Variants in SCMH1 observed in about 807,000 individuals in gnomAD.
SCMH1 encodes the protein polycomb protein SCMH1.
In SCMH1, 37 loss-of-function variants were observed where a neutral mutation model predicts 70.8. That is an observed-to-expected ratio of 0.52 (90% CI 0.40 to 0.69). The LOEUF is 0.69. SCMH1 is among the 30% of genes least tolerant of loss of function. The pLI, the probability that SCMH1 is intolerant of heterozygous loss-of-function variation, is 0.00. For missense variants in SCMH1, 607 were observed against 827.3 expected (o/e 0.73, Z 3.27); for synonymous variants, 292 against 307.4 (o/e 0.95, Z 0.52).
chr1:41,035,512 A>G (rs928441031), intron 13 of SCMH1, among the ~76,000 whole-genome samples: 2 of 152,120 alleles, frequency 1.3e-5, no homozygotes, highest in Non-Finnish European at 2.9e-5. Context: ...AGTCCAGTCT[A>G]TCAGCGCTCC....
chr1:41,076,961 T>A (rs939079908), intron 8 of SCMH1, among the ~76,000 whole-genome samples: 1 of 152,190 alleles, frequency 6.6e-6, no homozygotes, highest in Non-Finnish European at 1.5e-5. Flanking sequence ...CCACTCTGAC[T>A]GCTTTGTGAG....
chr1:41,053,699 C>T (rs1297206712), intron 10 of SCMH1, among the ~76,000 whole-genome samples: 1 of 152,190 alleles, frequency 6.6e-6, no homozygotes, highest in African/African-American at 2.4e-5. Flanking sequence ...AAATAGGGTG[C>T]TGCAGTAACA....
chr1:41,075,462 A>G lies in SCMH1; in HGVS notation c.746-11T>C, dbSNP rs774119565. 15 of 1,608,438 alleles carry G rather than the reference A, an allele frequency of 9.3e-6. No homozygotes were observed. The highest frequency in any genetic ancestry group is 1.3e-5 in the Non-Finnish European group (15 of 1,175,138). On this transcript the variant is annotated splice_polypyrimidine_tract_variant and intron_variant, in intron 8 of 14. Coordinates refer to ENST00000337495, the Ensembl canonical transcript of SCMH1. ...TCTTTGGAATCACAACTGCAAGAAA[A>G]AGACTCATTCTATCACCCTCCCTCC...
chr1:41,241,296 C>A (rs1182668431), intron 1 of SCMH1, among the ~76,000 whole-genome samples: 1 of 152,256 alleles, frequency 6.6e-6, no homozygotes, highest in Admixed American at 6.5e-5. Context: ...CGGCTGGATA[C>A]CACTTTCGAT....
intron 5 of SCMH1, among the ~76,000 whole-genome samples, chr1:41,146,633 T>C (rs147072789): frequency 1.4e-4 from 22 of 152,304 alleles, no homozygotes; most frequent in Non-Finnish European, 3.1e-4. Flanking sequence ...GTATTCAGTA[T>C]AGTAATATGC....
intron 8 of SCMH1, among the ~76,000 whole-genome samples, chr1:41,104,959 CTT>C (rs55878444): frequency 2.1e-4 from 31 of 149,536 alleles, no homozygotes; most frequent in Admixed American, 3.3e-4. Context: ...ATTAAACAGC[CTT>C]TTTTTTTTTT....
intron 9 of SCMH1, among the ~76,000 whole-genome samples, chr1:41,073,770 A>G (rs1657327474): frequency 6.6e-6 from 1 of 152,190 alleles, no homozygotes; most frequent in African/African-American, 2.4e-5. Context: ...GAAGAAAAAG[A>G]TTAGGTTCTT....
At chr1:41,038,781 C>T (rs1645678980) in intron 12 of SCMH1, among the ~76,000 whole-genome samples, 3 of 152,120 alleles carry the variant, frequency 2.0e-5, no homozygotes, top group Admixed American at 2.0e-4. Context: ...CTCCTATTTT[C>T]CAGGAAAAAT....
chr1:41,151,552 G>T, intron 5 of SCMH1, 62 bp downstream of exon 5: 2 of 1,370,552 alleles, frequency 1.5e-6, no homozygotes, highest in Non-Finnish European at 1.0e-6. Flanking sequence ...TGTTTTGATT[G>T]TCTAAAAACC....
intron 8 of SCMH1, among the ~76,000 whole-genome samples, chr1:41,094,248 T>C (rs1664467642): frequency 6.6e-6 from 1 of 152,182 alleles, no homozygotes; most frequent in African/African-American, 2.4e-5. Context: ...TTTGGTTTTG[T>C]TTTGGTCCCC....
chr1:41,049,801 C>T (rs1488441372), intron 10 of SCMH1, among the ~76,000 whole-genome samples: 1 of 147,318 alleles, frequency 6.8e-6, no homozygotes, highest in Non-Finnish European at 1.5e-5. Flanking sequence ...CAGTGGCTCA[C>T]ATCTGTAATC....
At chr1:41,027,467 G>C (rs1375105982) in exon 15 of SCMH1, 4 of 152,314 alleles carry the variant, frequency 2.6e-5, no homozygotes, top group South Asian at 4.1e-4. Context: ...CCACAGATGA[G>C]GCCTAGGGCT....
At chr1:41,098,132 A>G (rs1329524502) in intron 8 of SCMH1, among the ~76,000 whole-genome samples, 1 of 152,146 alleles carries the variant, frequency 6.6e-6, no homozygotes, top group Non-Finnish European at 1.5e-5. Flanking sequence ...TTTGAGCTTT[A>G]TATATTATAT....
chr1:41,028,671 G>A (rs374927869), exon 14 of SCMH1: 1 of 1,614,166 alleles, frequency 6.2e-7, no homozygotes, highest in Non-Finnish European at 8.5e-7. Context: ...TCCATGAGGA[G>A]GGGTCCCGGC....
At chr1:41,237,566 T>G (rs1206746545) in intron 1 of SCMH1, among the ~76,000 whole-genome samples, 1 of 152,220 alleles carries the variant, frequency 6.6e-6, no homozygotes, top group Non-Finnish European at 1.5e-5. Context: ...GGATCTTTAA[T>G]ACCAATGCCC....
intron 5 of SCMH1, among the ~76,000 whole-genome samples, chr1:41,150,789 TA>T (rs1645001374): frequency 6.6e-6 from 1 of 151,076 alleles, no homozygotes; most frequent in Non-Finnish European, 1.5e-5. Context: ...ACAAAAAAAT[TA>T]GCCGGGCATG....
intron 10 of SCMH1, among the ~76,000 whole-genome samples, chr1:41,050,485 A>C (rs144867949): frequency 6.6e-6 from 1 of 152,228 alleles, no homozygotes; most frequent in Non-Finnish European, 1.5e-5. Flanking sequence ...CTCCACCTTC[A>C]TAATTCTAAT....
chr1:41,199,202 A>G (rs181430534), intron 1 of SCMH1, among the ~76,000 whole-genome samples: 6 of 152,248 alleles, frequency 3.9e-5, no homozygotes, highest in African/African-American at 1.4e-4. Context: ...TGCATAAATC[A>G]TAAGTATACA....
chr1:41,035,968 T>C (rs1037767442), intron 13 of SCMH1, among the ~76,000 whole-genome samples: 41 of 152,326 alleles, frequency 2.7e-4, no homozygotes, highest in African/African-American at 7.9e-4. Flanking sequence ...TCAAATACTC[T>C]CTGTAGTCCT....
Sources: allele counts gnomAD v4.1 joint callset (sites outside exome capture counted in the v4.1 genomes callset), GRCh38; gene constraint gnomAD v4.1.1; transcripts MANE v1.5; gene names NCBI Gene and HGNC (gene_info 2026-07-23, HGNC 2026-07-21).